Variants in XIRP2 observed in about 807,000 individuals in gnomAD.
XIRP2 encodes the protein xin actin binding repeat containing 2, also known as xin actin-binding repeat-containing protein 2.
XIRP2 carries 236 observed loss-of-function variants against 277.0 expected under a neutral mutation model. The observed-to-expected ratio is 0.85, with a 90% CI of 0.77 to 0.95. XIRP2 has a LOEUF of 0.95. Ranked by LOEUF, XIRP2 falls within the 40% of genes least tolerant of loss-of-function variation. XIRP2 has a pLI of 0.00. For missense variants in XIRP2, 4,640 were observed against 4,157.5 expected, an observed-to-expected ratio of 1.12 and a Z score of -3.19; for synonymous variants, 1,490 against 1,416.5, an observed-to-expected ratio of 1.05 and a Z score of -1.17.
At position 167,251,434 on chromosome 2, in the gene XIRP2, G is replaced by T; in HGVS notation, c.10042G>T (p.Ala3348Ser). ...REFEHGPVSE[A>S]KSNRRVYAKG... ...ATTTGAGCATGGCCCAGTTTCTGAAGCAAAGTCAAATAGAAGAGTTTATGC... is the reference window on the plus strand; with the variant it reads ...ATTTGAGCATGGCCCAGTTTCTGAATCAAAGTCAAATAGAAGAGTTTATGC... The change falls in exon 9 of 11, where the codon GCA becomes TCA. Residue 3348 changes from alanine to serine, a missense_variant. Ala to Ser is a moderately conservative substitution (Grantham distance 99). Transcript: ENST00000409195. 1 of 1,613,570 alleles carries T rather than the reference G, an allele frequency of 6.2e-7. No individual in the cohort carries two copies.
Position 167,250,223 on chromosome 2 carries a change from T to C in XIRP2, c.8831T>C (p.Ile2944Thr). 6.2e-7 allele frequency: 1 copy of C among 1,613,486 alleles called. No individual in the cohort carries two copies. The highest frequency in any genetic ancestry group is 8.5e-7 in the Non-Finnish European group (1 of 1,179,692). Residue 2944 changes from isoleucine (I) to threonine (T), a missense_variant, in exon 9 of 11, where the codon ATA becomes ACA. Coordinates refer to ENST00000409195, the MANE Select transcript of XIRP2 (RefSeq NM_152381.6). ...GATGATGGAAAAGGTGCCTTAAATA[T>C]AGTGGAATTCTTGAGAAAACGTGAA... ...QRDDGKGALN[I>T]VEFLRKREEL...
At chr2:167,173,323 T>C (rs1692749786) in intron 3 of XIRP2, among the ~76,000 whole-genome samples, 1 of 152,198 alleles carries the variant, frequency 6.6e-6, no homozygotes, top group Non-Finnish European at 1.5e-5. Context: ...TTACCGTCTA[T>C]GTCCATGACT....
At chr2:167,093,504 TC>T (rs1049016930) in intron 2 of XIRP2, among the ~76,000 whole-genome samples, 18 of 151,996 alleles carry the variant, frequency 1.2e-4, no homozygotes, top group African/African-American at 3.9e-4. Context: ...TGTGTGATGT[TC>T]CCCTCCCTGT....
At chr2:167,135,684 G>C (rs1307838198) in intron 2 of XIRP2, among the ~76,000 whole-genome samples, 1 of 152,068 alleles carries the variant, frequency 6.6e-6, no homozygotes, top group East Asian at 1.9e-4. Flanking sequence ...ATGAAAGGAA[G>C]GCTAATTCAG....
intron 3 of XIRP2, among the ~76,000 whole-genome samples, chr2:167,160,841 T>C (rs1174350011): frequency 1.3e-5 from 2 of 152,150 alleles, no homozygotes; most frequent in Admixed American, 1.3e-4. Context: ...AACTCGAAAG[T>C]CCACAATCCA....
intron 3 of XIRP2, among the ~76,000 whole-genome samples, chr2:167,172,617 G>T (rs1692729796): frequency 1.3e-5 from 2 of 152,104 alleles, no homozygotes; most frequent in African/African-American, 2.4e-5. Context: ...CTGAGAAAAA[G>T]AATTCAGTGA....
rs1574009528 is a variant in XIRP2 at position 167,258,946 on chromosome 2, C to A, written c.*1129C>A. On this transcript the variant is annotated 3_prime_UTR_variant, in exon 11 of 11. Transcript: ENST00000409195. Reference sequence around the variant, plus strand: ...CTGTGCAGCCTGCTCCAAAACCAAGCCTCAGCAGAGGCCTTATGGTAAAGG... The same window carrying A: ...CTGTGCAGCCTGCTCCAAAACCAAGACTCAGCAGAGGCCTTATGGTAAAGG... 1.2e-6 allele frequency: 2 copies of A among 1,613,030 alleles called. No homozygotes were observed. Among genetic ancestry groups the A allele is most frequent in the Non-Finnish European group, 1.7e-6 (2 of 1,179,534 alleles).
intron 2 of XIRP2, among the ~76,000 whole-genome samples, chr2:166,912,744 C>T (rs1015401252): frequency 2.0e-5 from 3 of 152,122 alleles, no homozygotes; most frequent in Non-Finnish European, 4.4e-5. Context: ...GTTTTATCTA[C>T]ATTTGGTCTT....
At chr2:167,194,863 G>GTCCC (rs1693455847) in intron 3 of XIRP2, among the ~76,000 whole-genome samples, 1 of 152,052 alleles carries the variant, frequency 6.6e-6, no homozygotes, top group Non-Finnish European at 1.5e-5. Context: ...TAAAGCATCA[G>GTCCC]TCCCTGGCAC....
At position 167,249,294 on chromosome 2, in the gene XIRP2, A is replaced by G. The variant is rs749159123; in HGVS notation, c.7902A>G (p.Pro2634=). ...ATAACCAACTCTCCACAACATCGCCAGAAACAGTCGCTGCCAAGAGGCTCC... is the reference window on the plus strand; with the variant it reads ...ATAACCAACTCTCCACAACATCGCCGGAAACAGTCGCTGCCAAGAGGCTCC... ...CSDNQLSTTS[P]ETVAAKRLHH... The change falls in exon 9 of 11, where the codon CCA becomes CCG. Residue 2634 remains proline, a synonymous_variant. Transcript: ENST00000409195. 1.9e-6 allele frequency: 3 copies of G among 1,613,734 alleles called. No homozygotes were observed. In the African/African-American group the frequency reaches 4.0e-5, roughly 22 times the overall value.
At chr2:167,170,335 GT>G (rs1213091964) in intron 3 of XIRP2, among the ~76,000 whole-genome samples, 1 of 151,850 alleles carries the variant, frequency 6.6e-6, no homozygotes, top group Admixed American at 6.6e-5. Flanking sequence ...GTCAGGAAGT[GT>G]TTCTTCCCTC....
intron 3 of XIRP2, among the ~76,000 whole-genome samples, chr2:167,185,101 T>C (rs1693119418): frequency 6.6e-6 from 1 of 152,170 alleles, no homozygotes; most frequent in South Asian, 2.1e-4. Flanking sequence ...TAATAATGAA[T>C]GGTCAGAATC....
intron 3 of XIRP2, among the ~76,000 whole-genome samples, chr2:167,151,039 A>G (rs1049383915): frequency 1.3e-5 from 2 of 152,100 alleles, no homozygotes; most frequent in African/African-American, 4.8e-5. Context: ...AACTTCAAAA[A>G]TCCTGTTTTG....
chr2:167,017,257 G>A (rs1369608738), intron 2 of XIRP2, among the ~76,000 whole-genome samples: 4 of 152,004 alleles, frequency 2.6e-5, no homozygotes, highest in Non-Finnish European at 5.9e-5. Context: ...ACAATCTATT[G>A]TAATTTCCTC....
At chr2:166,973,255 A>G (rs539082974) in intron 2 of XIRP2, among the ~76,000 whole-genome samples, 1 of 152,318 alleles carries the variant, frequency 6.6e-6, no homozygotes, top group Admixed American at 6.5e-5. Flanking sequence ...TGAAAATTTG[A>G]TGTTTTGTTA....
chr2:167,022,059 C>G (rs79161606), intron 2 of XIRP2, among the ~76,000 whole-genome samples: 1 of 152,170 alleles, frequency 6.6e-6, no homozygotes, highest in African/African-American at 2.4e-5. Context: ...TTAATGATGG[C>G]TACAGTAGTT....
At chr2:167,159,456 T>C (rs887735095) in intron 3 of XIRP2, among the ~76,000 whole-genome samples, 2 of 152,146 alleles carry the variant, frequency 1.3e-5, no homozygotes, top group African/African-American at 2.4e-5. Context: ...CATTTTTTAT[T>C]CTTATATCAT....
At chr2:167,182,606 T>C (rs976647167) in intron 3 of XIRP2, among the ~76,000 whole-genome samples, 1 of 152,164 alleles carries the variant, frequency 6.6e-6, no homozygotes, top group Non-Finnish European at 1.5e-5. Flanking sequence ...TCAGCAGAAA[T>C]GAATTCAATT....
intron 2 of XIRP2, among the ~76,000 whole-genome samples, chr2:167,002,981 T>C (rs1324585981): frequency 6.6e-6 from 1 of 151,938 alleles, no homozygotes; most frequent in East Asian, 1.9e-4. Flanking sequence ...GTCACTAGCA[T>C]ATTTGCATAT....
Sources: allele counts gnomAD v4.1 joint callset (sites outside exome capture counted in the v4.1 genomes callset), GRCh38; gene constraint gnomAD v4.1.1; transcripts MANE v1.5; gene names NCBI Gene and HGNC (gene_info 2026-07-23, HGNC 2026-07-21).